Variants in ARB2A observed in about 807,000 individuals in gnomAD.
ARB2A encodes the protein cotranscriptional regulator ARB2A.
chr5:93,709,657 A>C, the ARB2A span, among the ~76,000 whole-genome samples: 6 of 145,002 alleles, frequency 4.1e-5, no homozygotes, highest in South Asian at 2.1e-4. Context: ...AAAAAAAAAA[A>C]CCATAAATAA....
chr5:93,850,129 C>T, the ARB2A span, among the ~76,000 whole-genome samples: 1 of 152,110 alleles, frequency 6.6e-6, no homozygotes, highest in South Asian at 2.1e-4. Flanking sequence ...ATTAACCCTA[C>T]AGTAATTTTT....
At chr5:93,668,380 A>C in the ARB2A span, among the ~76,000 whole-genome samples, 3 of 152,260 alleles carry the variant, frequency 2.0e-5, no homozygotes, top group Non-Finnish European at 4.4e-5. Flanking sequence ...TGCTAGGATT[A>C]TAGGCGTGAG....
the ARB2A span, among the ~76,000 whole-genome samples, chr5:93,986,474 G>A: frequency 6.6e-6 from 1 of 152,172 alleles, no homozygotes; most frequent in Non-Finnish European, 1.5e-5. Context: ...CCACGTCTGG[G>A]AAGTGAGGAG....
At chr5:93,826,526 C>T in the ARB2A span, among the ~76,000 whole-genome samples, 69 of 152,268 alleles carry the variant, frequency 4.5e-4, no homozygotes, top group African/African-American at 1.6e-3. Flanking sequence ...AGAACCTCTA[C>T]AAATCTGTCT....
the ARB2A span, among the ~76,000 whole-genome samples, chr5:93,831,561 A>C: frequency 6.6e-6 from 1 of 152,210 alleles, no homozygotes; most frequent in Non-Finnish European, 1.5e-5. Context: ...GGAGTAGTTC[A>C]GTAATCCACA....
chr5:93,706,005 A>C, the ARB2A span, among the ~76,000 whole-genome samples: 1 of 152,220 alleles, frequency 6.6e-6, no homozygotes, highest in Non-Finnish European at 1.5e-5. Flanking sequence ...GAAGTTAAAC[A>C]GAAAATTACT....
At chr5:93,858,130 C>T in the ARB2A span, among the ~76,000 whole-genome samples, 2 of 152,290 alleles carry the variant, frequency 1.3e-5, no homozygotes, top group East Asian at 3.9e-4. Context: ...GGTAGAGTCA[C>T]ACAAGATGTG....
At chr5:93,984,702 T>C in the ARB2A span, among the ~76,000 whole-genome samples, 4 of 152,334 alleles carry the variant, frequency 2.6e-5, no homozygotes, top group Non-Finnish European at 5.9e-5. Context: ...TATTCTCATT[T>C]GTGTACTGAA....
the ARB2A span, among the ~76,000 whole-genome samples, chr5:93,853,093 G>A: frequency 2.6e-5 from 4 of 152,106 alleles, no homozygotes; most frequent in African/African-American, 9.7e-5. Flanking sequence ...CCATGAGCAT[G>A]GAATGTTCTT....
chr5:93,713,737 A>G, the ARB2A span, among the ~76,000 whole-genome samples: 1 of 152,198 alleles, frequency 6.6e-6, no homozygotes, highest in African/African-American at 2.4e-5. Context: ...AGATATCTAC[A>G]CTCTCACTGT....
the ARB2A span, among the ~76,000 whole-genome samples, chr5:94,014,484 G>T: frequency 6.6e-6 from 1 of 152,152 alleles, no homozygotes; most frequent in African/African-American, 2.4e-5. Flanking sequence ...TGAGGACAAA[G>T]ACATGCATCC....
At chr5:93,778,614 C>T in the ARB2A span, among the ~76,000 whole-genome samples, 2 of 152,084 alleles carry the variant, frequency 1.3e-5, no homozygotes, top group Non-Finnish European at 2.9e-5. Flanking sequence ...GACAGACAGG[C>T]AGCGATTAGG....
At chr5:94,090,045 T>C in the ARB2A span, among the ~76,000 whole-genome samples, 7 of 152,162 alleles carry the variant, frequency 4.6e-5, no homozygotes, top group African/African-American at 1.7e-4. Context: ...AACTAAAATA[T>C]AAAAACTCTG....
At chr5:93,799,859 T>G in the ARB2A span, among the ~76,000 whole-genome samples, 2 of 152,040 alleles carry the variant, frequency 1.3e-5, no homozygotes, top group Non-Finnish European at 2.9e-5. Flanking sequence ...TGATGTTATA[T>G]AGAAATAATT....
At chr5:94,073,949 A>T in the ARB2A span, among the ~76,000 whole-genome samples, 1 of 152,094 alleles carries the variant, frequency 6.6e-6, no homozygotes, top group Admixed American at 6.6e-5. Flanking sequence ...ACCAGATATG[A>T]CTTTAATTAA....
At chr5:93,812,169 A>G in the ARB2A span, among the ~76,000 whole-genome samples, 1 of 152,138 alleles carries the variant, frequency 6.6e-6, no homozygotes, top group Non-Finnish European at 1.5e-5. Context: ...CATAATATAA[A>G]TATGTTTAAT....
the ARB2A span, among the ~76,000 whole-genome samples, chr5:93,702,622 G>C: frequency 6.6e-6 from 1 of 152,082 alleles, no homozygotes; most frequent in Admixed American, 6.6e-5. Flanking sequence ...CTGAATAAAT[G>C]AAGGAAAGAA....
chr5:93,773,380 A>G, the ARB2A span, among the ~76,000 whole-genome samples: 61 of 152,324 alleles, frequency 4.0e-4, 1 homozygote, highest in Middle Eastern at 3.4e-3. Flanking sequence ...CTACTACACA[A>G]TGGGTAATAA....
the ARB2A span, among the ~76,000 whole-genome samples, chr5:93,960,086 C>A: frequency 7.0e-6 from 1 of 143,698 alleles, no homozygotes; most frequent in South Asian, 2.2e-4. Context: ...TAGATGCCCC[C>A]CCCCCCCCCA....
Sources: gnomAD v4.1 joint callset for allele counts (sites outside exome capture counted in the v4.1 genomes callset) on GRCh38, gnomAD v4.1.1 for gene constraint, MANE v1.5 for transcripts, NCBI Gene and HGNC (gene_info 2026-07-23, HGNC 2026-07-21) for gene names.